CAMTA1: variants seen among roughly 807,000 people sequenced by gnomAD.
CAMTA1 encodes calmodulin binding transcription activator 1.
Under a neutral mutation model 170.9 loss-of-function variants are expected in CAMTA1, and 27 were observed. The observed-to-expected ratio is 0.16, with a 90% CI of 0.12 to 0.22. The LOEUF (loss-of-function observed/expected upper bound fraction) is 0.22, where lower values mean the gene tolerates loss of function less well. Ranked by LOEUF, CAMTA1 falls within the 10% of genes least tolerant of loss-of-function variation. CAMTA1 has a pLI of 1.00. For missense variants in CAMTA1, 1,619 were observed against 2,217.2 expected (o/e 0.73, Z 5.42); for synonymous variants, 833 against 891.5 (o/e 0.93, Z 1.17).
chr1:7,577,048 A>G (rs1481738413), intron 6 of CAMTA1, among the ~76,000 whole-genome samples: 2 of 152,210 alleles, frequency 1.3e-5, no homozygotes, highest in Non-Finnish European at 2.9e-5. Context: ...CCTCAAGCCG[A>G]GAGTCAAACC....
intron 5 of CAMTA1, among the ~76,000 whole-genome samples, chr1:7,255,989 G>A (rs577847039): frequency 4.6e-5 from 7 of 152,276 alleles, no homozygotes; most frequent in East Asian, 3.9e-4. Context: ...TACAGGGAGC[G>A]TCTGTTCAGG....
intron 4 of CAMTA1, among the ~76,000 whole-genome samples, chr1:7,105,319 G>T (rs1239343947): frequency 6.6e-6 from 1 of 152,178 alleles, no homozygotes; most frequent in Non-Finnish European, 1.5e-5. Flanking sequence ...CCAAGTTAAG[G>T]TCATTGCTTT....
intron 11 of CAMTA1, chr1:7,698,254 C>T (rs1056716491): frequency 6.6e-6 from 1 of 152,228 alleles, no homozygotes; most frequent in African/African-American, 2.4e-5. Context: ...ATAAAGTACA[C>T]TAACACTAAT....
intron 4 of CAMTA1, among the ~76,000 whole-genome samples, chr1:7,208,200 C>T (rs1658111624): frequency 6.6e-6 from 1 of 152,252 alleles, no homozygotes; most frequent in African/African-American, 2.4e-5. Context: ...CTTGACCTTA[C>T]TGGATACACT....
intron 3 of CAMTA1, among the ~76,000 whole-genome samples, chr1:6,873,563 A>G (rs999647979): frequency 4.6e-5 from 7 of 152,234 alleles, no homozygotes; most frequent in African/African-American, 1.7e-4. Flanking sequence ...TGGGGCTCCC[A>G]TCTGCCTTTG....
At chr1:7,500,312 C>T (rs1483907194) in intron 6 of CAMTA1, among the ~76,000 whole-genome samples, 2 of 101,306 alleles carry the variant, frequency 2.0e-5, no homozygotes, top group Admixed American at 1.1e-4. Context: ...GCATGTGTGT[C>T]CGTGAGCGAG....
chr1:7,507,140 ACACT>A lies in CAMTA1; in HGVS notation c.510+39245_510+39248del, dbSNP rs552299890. Among the ~76,000 whole-genome samples, 68 of 148,282 alleles carry A rather than the reference ACACT, an allele frequency of 4.6e-4. 1 individual carries two copies. In the South Asian group the frequency reaches 6.1e-3, roughly 13 times the overall value. On this transcript the variant is annotated intron_variant, in intron 6 of 22. Transcript: ENST00000303635. ...CTAACCCTCTCACATTCACACACTC[ACACT>A]CACTCCCACACTCACACAACACACA...
intron 5 of CAMTA1, among the ~76,000 whole-genome samples, chr1:7,266,394 C>T (rs1433382969): frequency 6.6e-6 from 1 of 152,210 alleles, no homozygotes; most frequent in Non-Finnish European, 1.5e-5. Flanking sequence ...CCTCATAAGA[C>T]TTGGGAGTTA....
At position 6,887,572 on chromosome 1, in the gene CAMTA1, T is replaced by C; in HGVS notation, c.234+62362T>C. ...AGATGTCTCCTCCTCTCTCTGCCTC[T>C]GGAAATGGGGCAAATTTTTCTTCAG... On this transcript the variant is annotated intron_variant, in intron 3 of 22. Transcript: ENST00000303635. The surrounding 1 kb of genome is among the most constrained non-coding windows in gnomAD (Gnocchi z 4.1). The C allele has an allele frequency of 6.6e-7, 1 of 1,519,608 alleles. No individual in the cohort carries two copies. Among genetic ancestry groups the C allele is most frequent in the Non-Finnish European group, 8.8e-7 (1 of 1,138,086 alleles). The allele number at this position is 1,519,608 out of a possible 1,614,324, so 94.1% of individuals were successfully genotyped here.
intron 5 of CAMTA1, among the ~76,000 whole-genome samples, chr1:7,409,320 C>T (rs910350482): frequency 6.6e-6 from 1 of 152,226 alleles, no homozygotes; most frequent in African/African-American, 2.4e-5. Context: ...CCACTGTCAG[C>T]CCAAGATGTC....
intron 4 of CAMTA1, among the ~76,000 whole-genome samples, chr1:7,100,800 G>C (rs1487801008): frequency 6.6e-6 from 1 of 152,242 alleles, no homozygotes; most frequent in Non-Finnish European, 1.5e-5. Flanking sequence ...CTTGGGGACG[G>C]CCAGGGCCAT....
intron 6 of CAMTA1, among the ~76,000 whole-genome samples, chr1:7,514,706 A>C (rs1321296863): frequency 6.6e-6 from 1 of 152,198 alleles, no homozygotes; most frequent in Non-Finnish European, 1.5e-5. Context: ...GCCAAGGGGC[A>C]TGAGCAGACA....
At chr1:6,835,863 A>G (rs942440090) in intron 3 of CAMTA1, among the ~76,000 whole-genome samples, 2 of 152,324 alleles carry the variant, frequency 1.3e-5, no homozygotes, top group East Asian at 1.9e-4. Context: ...ATGTCTTGAC[A>G]TATAGGAAGC....
intron 6 of CAMTA1, among the ~76,000 whole-genome samples, chr1:7,548,355 C>A (rs1253284801): frequency 6.6e-6 from 1 of 152,156 alleles, no homozygotes; most frequent in African/African-American, 2.4e-5. Flanking sequence ...GATTCCCATG[C>A]AGGGTGCGCC....
intron 6 of CAMTA1, among the ~76,000 whole-genome samples, chr1:7,612,108 T>C (rs927535388): frequency 1.6e-4 from 25 of 152,214 alleles, no homozygotes; most frequent in Non-Finnish European, 3.5e-4. Context: ...ACCAGCTCAG[T>C]GGAGAGTCAG....
At chr1:7,053,349 C>T (rs1033585789) in intron 3 of CAMTA1, among the ~76,000 whole-genome samples, 1 of 152,202 alleles carries the variant, frequency 6.6e-6, no homozygotes, top group African/African-American at 2.4e-5. Context: ...TGCCCACCAT[C>T]ATTAGTTCCG....
chr1:7,413,227 T>A (rs948951836), intron 5 of CAMTA1, among the ~76,000 whole-genome samples: 1 of 152,338 alleles, frequency 6.6e-6, no homozygotes, highest in Middle Eastern at 3.4e-3. Flanking sequence ...TAAGATTGAC[T>A]TGGTGATGCG....
At chr1:6,979,639 C>T (rs748147385) in intron 3 of CAMTA1, among the ~76,000 whole-genome samples, 4 of 152,162 alleles carry the variant, frequency 2.6e-5, no homozygotes, top group African/African-American at 9.7e-5. Context: ...AGTGTAGGAC[C>T]ATTACCATCT....
chr1:7,151,407 G>T (rs1168969904), intron 4 of CAMTA1, among the ~76,000 whole-genome samples: 2 of 152,190 alleles, frequency 1.3e-5, no homozygotes, highest in African/African-American at 4.8e-5. Flanking sequence ...GCCCAGCGAG[G>T]CTGCCTGGCC....
Sources: gnomAD v4.1 joint callset for allele counts (sites outside exome capture counted in the v4.1 genomes callset) on GRCh38, gnomAD v4.1.1 for gene constraint, Gnocchi (gnomAD v3.1) non-coding constraint, MANE v1.5 for transcripts, NCBI Gene and HGNC (gene_info 2026-07-23, HGNC 2026-07-21) for gene names.